ROBO2: variants seen among roughly 807,000 people sequenced by gnomAD.
The protein encoded by ROBO2 is roundabout guidance receptor 2.
In ROBO2, 53 loss-of-function variants were observed where a neutral mutation model predicts 160.8. The observed-to-expected ratio is 0.33, with a 90% CI of 0.26 to 0.41. The LOEUF is 0.41. Among genes scored for constraint, ROBO2 ranks in the 10% least tolerant of loss-of-function variants. The probability of loss-of-function intolerance (pLI) is 1.00; values close to 1 mark genes in which losing one functional copy is unlikely to be tolerated. For synonymous variants in ROBO2, 664 were observed against 611.7 expected (o/e 1.09, Z -1.26); for missense variants, 1,577 against 1,722.4 (o/e 0.92, Z 1.49).
At chr3:76,089,606 A>G (rs192362339) in intron 2 of ROBO2, among the ~76,000 whole-genome samples, 2 of 152,262 alleles carry the variant, frequency 1.3e-5, no homozygotes. Context: ...TATCTGAAGA[A>G]AAAACATTTG....
At chr3:76,149,933 T>C (rs2106833065) in intron 2 of ROBO2, among the ~76,000 whole-genome samples, 1 of 115,810 alleles carries the variant, frequency 8.6e-6, no homozygotes, top group African/African-American at 2.6e-5. Flanking sequence ...CACACATCTG[T>C]CTAAAACACA....
chr3:76,061,430 C>T (rs2068066490), intron 2 of ROBO2, among the ~76,000 whole-genome samples: 1 of 152,082 alleles, frequency 6.6e-6, no homozygotes, highest in African/African-American at 2.4e-5. Context: ...TTTAAAGGAA[C>T]CTGTAGTCAT....
intron 2 of ROBO2, among the ~76,000 whole-genome samples, chr3:76,244,890 T>C (rs1429635466): frequency 1.3e-5 from 2 of 152,208 alleles, no homozygotes; most frequent in African/African-American, 2.4e-5. Context: ...TAATAGTCTG[T>C]GTCTTCGGTA....
At chr3:76,946,189 G>T (rs963930113) in intron 2 of ROBO2, among the ~76,000 whole-genome samples, 2 of 152,164 alleles carry the variant, frequency 1.3e-5, no homozygotes, top group African/African-American at 4.8e-5. Flanking sequence ...GTTCTGAGTA[G>T]TCATCAGAAT....
At chr3:76,360,005 T>A (rs533992744) in intron 2 of ROBO2, among the ~76,000 whole-genome samples, 7 of 152,204 alleles carry the variant, frequency 4.6e-5, no homozygotes, top group Admixed American at 3.3e-4. Context: ...TCTTTGACCC[T>A]GAATTGATTG....
chr3:77,550,678 T>A, intron 7 of ROBO2, 140 bp from the exon 9 acceptor site: 1 of 884,646 alleles, frequency 1.1e-6, no homozygotes, highest in Admixed American at 2.1e-5. Flanking sequence ...CTGTGTGGCA[T>A]TTAAACATTT....
At chr3:76,743,141 C>T (rs75503284) in intron 2 of ROBO2, among the ~76,000 whole-genome samples, 2,943 of 152,182 alleles carry the variant, frequency 0.019, 52 homozygotes, top group Middle Eastern at 0.031. Context: ...GAATACAAGT[C>T]TTGGGCTTCA....
chr3:76,250,194 T>G (rs1705902122), intron 2 of ROBO2, among the ~76,000 whole-genome samples: 1 of 152,086 alleles, frequency 6.6e-6, no homozygotes, highest in Admixed American at 6.6e-5. Context: ...AATTTTATAG[T>G]TACACTGCTT....
intron 2 of ROBO2, among the ~76,000 whole-genome samples, chr3:76,177,046 T>A (rs2073256646): frequency 6.6e-6 from 1 of 152,046 alleles, no homozygotes; most frequent in South Asian, 2.1e-4. Context: ...CAGAAAACAA[T>A]AAAAAAATTG....
chr3:77,281,018 A>G (rs1217707504), intron 2 of ROBO2, among the ~76,000 whole-genome samples: 1 of 152,226 alleles, frequency 6.6e-6, no homozygotes, highest in African/African-American at 2.4e-5. Flanking sequence ...AGAATATGCA[A>G]GGGCATTCAA....
intron 2 of ROBO2, among the ~76,000 whole-genome samples, chr3:76,224,719 G>A (rs1704178147): frequency 1.4e-5 from 2 of 140,614 alleles, no homozygotes; most frequent in African/African-American, 5.3e-5. Context: ...TGAATCCTGA[G>A]TATCCACAAA....
At chr3:76,417,395 T>C (rs1365268544) in intron 2 of ROBO2, among the ~76,000 whole-genome samples, 5 of 152,202 alleles carry the variant, frequency 3.3e-5, no homozygotes, top group Non-Finnish European at 7.3e-5. Flanking sequence ...TATATGCAGG[T>C]ACTTAGAACA....
Position 76,987,670 on chromosome 3 carries a change from G to A in ROBO2, c.110-110344G>A, listed in dbSNP as rs184105905. ...CCAGTGATATTTTATGTTCAAATCA[G>A]TAATTTTAAATTTGTTTCTTTAATA... On this transcript the variant is annotated intron_variant, in intron 2 of 26. Coordinates refer to the ROBO2 transcript ENST00000487694. 1.2e-3 allele frequency among the ~76,000 whole-genome samples: 181 copies of A among 152,216 alleles called. 4 individuals carry two copies. Among genetic ancestry groups the A allele is most frequent in the Non-Finnish European group, 9.4e-4 (64 of 68,016 alleles).
chr3:77,131,716 A>T (rs899777894), intron 2 of ROBO2, among the ~76,000 whole-genome samples: 62 of 152,212 alleles, frequency 4.1e-4, no homozygotes, highest in African/African-American at 1.5e-3. Context: ...GAAAGTGTCT[A>T]GCATAGTTAT....
At chr3:77,643,021 G>A (rs1007724835) in intron 24 of ROBO2, 78 bp downstream of exon 26, 13 of 419,604 alleles carry the variant, frequency 3.1e-5, no homozygotes, top group Admixed American at 2.5e-4. Context: ...AATGGCAGTT[G>A]TTTAAGGGCA....
At chr3:76,582,091 G>A (rs1292227476) in intron 2 of ROBO2, among the ~76,000 whole-genome samples, 1 of 152,094 alleles carries the variant, frequency 6.6e-6, no homozygotes, top group Non-Finnish European at 1.5e-5. Flanking sequence ...AAAATGGTGT[G>A]CCATTGACCT....
At chr3:76,739,561 G>T (rs1182600797) in intron 2 of ROBO2, among the ~76,000 whole-genome samples, 1 of 151,870 alleles carries the variant, frequency 6.6e-6, no homozygotes, top group African/African-American at 2.4e-5. Context: ...CACCAGCATG[G>T]CACATGTATA....
intron 2 of ROBO2, among the ~76,000 whole-genome samples, chr3:77,464,755 A>C (rs1347683312): frequency 6.6e-6 from 1 of 152,184 alleles, no homozygotes; most frequent in Non-Finnish European, 1.5e-5. Flanking sequence ...AGGAAAATGA[A>C]AAGTCTGTTA....
intron 2 of ROBO2, among the ~76,000 whole-genome samples, chr3:77,285,012 G>T (rs2060485787): frequency 6.6e-6 from 1 of 152,112 alleles, no homozygotes; most frequent in Admixed American, 6.6e-5. Context: ...GATCTTACAG[G>T]CTAATGAGGG....
Sources: gnomAD v4.1 joint callset for allele counts (sites outside exome capture counted in the v4.1 genomes callset) on GRCh38, gnomAD v4.1.1 for gene constraint, MANE v1.5 for transcripts, NCBI Gene and HGNC (gene_info 2026-07-23, HGNC 2026-07-21) for gene names.